Variants in DAB1 observed in about 807,000 individuals in gnomAD.
The protein encoded by DAB1 is DAB adaptor protein 1.
DAB1 carries 15 observed loss-of-function variants against 64.6 expected under a neutral mutation model. The ratio of observed to expected loss-of-function variants is 0.23; its 90% CI spans 0.16 to 0.36. The LOEUF is 0.36. Ranked by LOEUF, DAB1 falls within the 10% of genes least tolerant of loss-of-function variation. The probability of loss-of-function intolerance (pLI) is 1.00; values close to 1 mark genes in which losing one functional copy is unlikely to be tolerated. For missense variants in DAB1, 596 were observed against 706.7 expected (o/e 0.84, Z 1.78); for synonymous variants, 235 against 251.9 (o/e 0.93, Z 0.64).
At chr1:58,183,081 T>C (rs1198934347) in intron 4 of DAB1, among the ~76,000 whole-genome samples, 3 of 151,998 alleles carry the variant, frequency 2.0e-5, no homozygotes, top group Admixed American at 6.6e-5. Flanking sequence ...TTACTCCTCT[T>C]TTCATTTTAA....
At chr1:57,972,319 G>A (rs548414212) in intron 5 of DAB1, among the ~76,000 whole-genome samples, 9 of 152,208 alleles carry the variant, frequency 5.9e-5, no homozygotes, top group Admixed American at 2.6e-4. Flanking sequence ...TCACTGCAGC[G>A]TTGAATTCCT....
upstream of DAB1, among the ~76,000 whole-genome samples, chr1:57,426,211 T>G (rs1685280129): frequency 6.6e-6 from 1 of 152,186 alleles, no homozygotes; most frequent in African/African-American, 2.4e-5. Flanking sequence ...ATTGACATTA[T>G]GATTACAGAC....
intron 2 of DAB1, among the ~76,000 whole-genome samples, chr1:58,519,219 T>C (rs542893658): frequency 6.6e-6 from 1 of 152,334 alleles, no homozygotes; most frequent in East Asian, 1.9e-4. Context: ...CCTCAAACAC[T>C]GACAAACCAG....
chr1:58,072,525 AC>A lies in DAB1; in HGVS notation n.387+77985del, dbSNP rs1649339724. On this transcript the variant is annotated intron_variant and non_coding_transcript_variant, in intron 5 of 20. Transcript: ENST00000485760. Reference sequence around the variant, plus strand: ...TGCAAGATGGGAGTAACAAGACCTCACCCACAGAGTTGCTGTGAGAATTATG... The same window carrying A: ...TGCAAGATGGGAGTAACAAGACCTCACCACAGAGTTGCTGTGAGAATTATG... Among the ~76,000 whole-genome samples, 3 of 152,202 alleles carry A rather than the reference AC, an allele frequency of 2.0e-5. No individual in the cohort carries two copies. The South Asian group carries it at 6.2e-4, about 32-fold the overall frequency.
intron 5 of DAB1, among the ~76,000 whole-genome samples, chr1:58,135,083 T>C (rs1653866099): frequency 6.6e-6 from 1 of 152,200 alleles, no homozygotes. Context: ...CTAAGTCTCA[T>C]TTTTTGTTGA....
intron 5 of DAB1, among the ~76,000 whole-genome samples, chr1:57,908,486 G>T (rs1350165793): frequency 6.6e-6 from 1 of 152,144 alleles, no homozygotes; most frequent in Non-Finnish European, 1.5e-5. Flanking sequence ...GCATCCTGAT[G>T]GGCAGCCAGC....
At chr1:57,647,986 T>C (rs1229973677) in intron 7 of DAB1, among the ~76,000 whole-genome samples, 2 of 152,216 alleles carry the variant, frequency 1.3e-5, no homozygotes, top group African/African-American at 2.4e-5. Context: ...CCTCTGTCTA[T>C]AGGCAGAATG....
intron 4 of DAB1, among the ~76,000 whole-genome samples, chr1:58,290,651 T>C (rs1250877851): frequency 6.6e-6 from 1 of 152,190 alleles, no homozygotes; most frequent in East Asian, 1.9e-4. Flanking sequence ...AAGCTCTGAA[T>C]ATGTCTCCAG....
At chr1:58,487,631 C>G (rs1645598011) in intron 3 of DAB1, among the ~76,000 whole-genome samples, 1 of 152,090 alleles carries the variant, frequency 6.6e-6, no homozygotes, top group African/African-American at 2.4e-5. Flanking sequence ...TATTATGACT[C>G]TATGGGTTCT....
At chr1:58,079,515 C>CTTTTTTTTTTTT (rs66960756) in intron 5 of DAB1, among the ~76,000 whole-genome samples, 2 of 67,808 alleles carry the variant, frequency 2.9e-5, no homozygotes, top group Non-Finnish European at 5.2e-5. Context: ...AGCATACCAT[C>CTTTTTTTTTTTT]TTTTTTTTTT....
At chr1:58,143,651 T>A (rs1033192213) in intron 5 of DAB1, among the ~76,000 whole-genome samples, 3 of 152,148 alleles carry the variant, frequency 2.0e-5, no homozygotes, top group Admixed American at 6.5e-5. Context: ...ATAAAGCAGG[T>A]CAAAATCCTG....
chr1:58,509,536 T>TAA (rs59473637), intron 2 of DAB1, among the ~76,000 whole-genome samples: 6 of 116,966 alleles, frequency 5.1e-5, no homozygotes, highest in Admixed American at 9.0e-5. Flanking sequence ...ACACCTACAT[T>TAA]AAAAAAAAAA....
At chr1:58,513,086 C>G (rs1308102508) in intron 2 of DAB1, among the ~76,000 whole-genome samples, 1 of 152,116 alleles carries the variant, frequency 6.6e-6, no homozygotes, top group Non-Finnish European at 1.5e-5. Flanking sequence ...AACTGTCATC[C>G]AAACTGTAAT....
intron 2 of DAB1, among the ~76,000 whole-genome samples, chr1:57,170,724 T>C (rs1661668154): frequency 6.6e-6 from 1 of 152,174 alleles, no homozygotes; most frequent in Admixed American, 6.5e-5. Flanking sequence ...CCTTATGTTC[T>C]TTTTATTCCT....
chr1:57,429,384 G>A (rs1685415260), intron 7 of DAB1, among the ~76,000 whole-genome samples: 2 of 152,148 alleles, frequency 1.3e-5, no homozygotes, highest in South Asian at 4.1e-4. Flanking sequence ...CATATTTTGA[G>A]TATTAACCCC....
At chr1:57,713,548 G>A (rs1647050318) in intron 6 of DAB1, among the ~76,000 whole-genome samples, 1 of 152,144 alleles carries the variant, frequency 6.6e-6, no homozygotes. Context: ...AAGCTATAAT[G>A]GGAAGGCATT....
intron 3 of DAB1, among the ~76,000 whole-genome samples, chr1:58,466,462 G>C (rs1375486052): frequency 6.6e-6 from 1 of 152,036 alleles, no homozygotes; most frequent in Non-Finnish European, 1.5e-5. Flanking sequence ...GATGGGGTGG[G>C]TAGGTCTGTG....
intron 5 of DAB1, among the ~76,000 whole-genome samples, chr1:58,058,553 T>C (rs942159005): frequency 1.3e-5 from 2 of 152,220 alleles, no homozygotes; most frequent in Non-Finnish European, 1.5e-5. Context: ...AAAGTGTTAA[T>C]ATTTGCTCAC....
chr1:58,041,913 AT>A (rs1452766047), intron 5 of DAB1, among the ~76,000 whole-genome samples: 2 of 152,266 alleles, frequency 1.3e-5, no homozygotes, highest in Non-Finnish European at 2.9e-5. Context: ...GAAAGGGCTT[AT>A]CCCCAACACC....
Sources: gnomAD v4.1 joint callset for allele counts (sites outside exome capture counted in the v4.1 genomes callset) on GRCh38, gnomAD v4.1.1 for gene constraint, MANE v1.5 for transcripts, NCBI Gene and HGNC (gene_info 2026-07-23, HGNC 2026-07-21) for gene names.